The following PAPSS1 variants were observed in gnomAD, a reference collection of about 807,000 sequenced individuals.
PAPSS1 encodes the protein 3'-phosphoadenosine 5'-phosphosulfate synthase 1, also known as bifunctional 3'-phosphoadenosine 5'-phosphosulfate synthase 1.
A neutral mutation model predicts 72.0 loss-of-function variants in PAPSS1; 50 were observed. That is an observed-to-expected ratio of 0.69 (90% CI 0.55 to 0.88). The LOEUF is 0.88. PAPSS1 is among the 40% of genes least tolerant of loss of function. The probability of loss-of-function intolerance (pLI) is 0.00; values close to 1 mark genes in which losing one functional copy is unlikely to be tolerated. For synonymous variants in PAPSS1, 261 were observed against 263.6 expected (o/e 0.99, Z 0.09); for missense variants, 657 against 782.2 (o/e 0.84, Z 1.91).
chr4:107,630,676 G>C (rs142505233), intron 11 of PAPSS1, among the ~76,000 whole-genome samples: 293 of 152,234 alleles, frequency 1.9e-3, no homozygotes, highest in Non-Finnish European at 3.4e-3. Context: ...CTCTTCCTAA[G>C]ATCTTTGAAG....
intron 1 of PAPSS1, among the ~76,000 whole-genome samples, chr4:107,705,950 G>GT (rs545621374): frequency 6.6e-6 from 1 of 152,116 alleles, no homozygotes; most frequent in East Asian, 1.9e-4. Context: ...TGTTGGCAGG[G>GT]TTTTTTTCCT....
chr4:107,670,162 A>G (rs150955291), intron 5 of PAPSS1, among the ~76,000 whole-genome samples: 7 of 152,338 alleles, frequency 4.6e-5, no homozygotes, highest in African/African-American at 1.7e-4. Context: ...AAAAGACAAC[A>G]TACTATAAAT....
intron 9 of PAPSS1, among the ~76,000 whole-genome samples, chr4:107,648,171 G>C (rs913083731): frequency 1.3e-5 from 2 of 152,194 alleles, no homozygotes; most frequent in African/African-American, 4.8e-5. Flanking sequence ...AACAAGTGAA[G>C]TCTGATCCCT....
chr4:107,694,411 T>C (rs902498871), intron 2 of PAPSS1: 1 of 170,020 alleles, frequency 5.9e-6, no homozygotes, highest in Non-Finnish European at 1.3e-5. Flanking sequence ...GGAAAACACC[T>C]ACAGTTTAAA....
Position 107,631,867 on chromosome 4 carries a change from TAA to T in PAPSS1, c.1507-9_1507-8del. ...CTCTGCAATGCCACTGGACCTAGAA[TAA>T]AAGTTTCATTTTAGGTAACTTTGCT... On this transcript the variant is annotated splice_polypyrimidine_tract_variant and splice_region_variant and intron_variant, in intron 10 of 11. Coordinates refer to ENST00000265174, the MANE Select transcript of PAPSS1 (RefSeq NM_005443.5). 1 of 1,597,430 alleles carries T rather than the reference TAA, an allele frequency of 6.3e-7. No homozygotes were observed. The highest frequency in any genetic ancestry group is 8.6e-7 in the Non-Finnish European group (1 of 1,169,282).
At chr4:107,697,679 A>G (rs1723103696) in intron 2 of PAPSS1, among the ~76,000 whole-genome samples, 1 of 152,216 alleles carries the variant, frequency 6.6e-6, no homozygotes, top group South Asian at 2.1e-4. Context: ...GAGGAAACTG[A>G]TAATACAAGA....
intron 1 of PAPSS1, among the ~76,000 whole-genome samples, chr4:107,710,742 T>C (rs867413842): frequency 6.6e-5 from 10 of 152,192 alleles, no homozygotes; most frequent in Non-Finnish European, 1.3e-4. Context: ...TCTCTCTCTC[T>C]GGGTGTGAGC....
chr4:107,647,400 A>G (rs1726723960), intron 9 of PAPSS1, among the ~76,000 whole-genome samples: 2 of 152,180 alleles, frequency 1.3e-5, no homozygotes, highest in African/African-American at 4.8e-5. Context: ...TTCCTGTTCC[A>G]TCAACAGTGA....
chr4:107,719,709 T>G, intron 1 of PAPSS1: 1 of 752,378 alleles, frequency 1.3e-6, no homozygotes, highest in Non-Finnish European at 1.6e-6. Context: ...GGCGCCCGCC[T>G]CCGCCTTCTC....
intron 11 of PAPSS1, among the ~76,000 whole-genome samples, chr4:107,614,969 ATT>A (rs10681522): frequency 3.9e-4 from 58 of 150,258 alleles, no homozygotes; most frequent in East Asian, 9.8e-4. Flanking sequence ...CTAAAACTAG[ATT>A]TTTTTTTTTT....
chr4:107,702,368 A>G (rs1723226427), intron 1 of PAPSS1, among the ~76,000 whole-genome samples: 1 of 152,254 alleles, frequency 6.6e-6, no homozygotes, highest in Non-Finnish European at 1.5e-5. Flanking sequence ...ACTTGTACAT[A>G]CATATGTCCA....
chr4:107,685,011 T>A (rs1722741050), intron 4 of PAPSS1, among the ~76,000 whole-genome samples: 1 of 152,158 alleles, frequency 6.6e-6, no homozygotes, highest in East Asian at 1.9e-4. Context: ...GTTCACGCCA[T>A]TCTCCTGCCT....
At chr4:107,665,250 G>A (rs1324225740) in intron 5 of PAPSS1, among the ~76,000 whole-genome samples, 3 of 152,166 alleles carry the variant, frequency 2.0e-5, no homozygotes, top group Non-Finnish European at 4.4e-5. Flanking sequence ...TGCAGATGCT[G>A]CCAGCTTCTA....
chr4:107,625,122 A>G (rs2110298267), intron 11 of PAPSS1, among the ~76,000 whole-genome samples: 1 of 152,356 alleles, frequency 6.6e-6, no homozygotes, highest in South Asian at 2.1e-4. Context: ...GAAATGGCTG[A>G]AGAAGAAATA....
intron 11 of PAPSS1, among the ~76,000 whole-genome samples, chr4:107,620,289 T>C (rs1013058934): frequency 2.0e-5 from 3 of 152,200 alleles, no homozygotes; most frequent in East Asian, 1.9e-4. Context: ...ACATCAAACA[T>C]AGTATACATC....
At chr4:107,625,904 G>A (rs141237362) in intron 11 of PAPSS1, among the ~76,000 whole-genome samples, 3 of 152,164 alleles carry the variant, frequency 2.0e-5, no homozygotes, top group South Asian at 2.1e-4. Context: ...ACTCTGGGCC[G>A]GGCGCGGTGG....
intron 11 of PAPSS1, among the ~76,000 whole-genome samples, chr4:107,629,035 A>C (rs908892785): frequency 3.3e-5 from 5 of 152,226 alleles, no homozygotes; most frequent in African/African-American, 1.2e-4. Context: ...ATTATCAAAA[A>C]CAACTATGCA....
chr4:107,697,277 T>C (rs1454414528), intron 2 of PAPSS1, among the ~76,000 whole-genome samples: 1 of 152,258 alleles, frequency 6.6e-6, no homozygotes, highest in East Asian at 1.9e-4. Flanking sequence ...GCTGCCTATC[T>C]GAGCCCTTTT....
chr4:107,652,411 G>C (rs1228345518), intron 9 of PAPSS1, among the ~76,000 whole-genome samples: 1 of 152,104 alleles, frequency 6.6e-6, no homozygotes, highest in African/African-American at 2.4e-5. Context: ...ACCCACCTCT[G>C]TGTCAAAGAC....
Sources: gnomAD v4.1 joint callset for allele counts (sites outside exome capture counted in the v4.1 genomes callset) on GRCh38, gnomAD v4.1.1 for gene constraint, MANE v1.5 for transcripts, NCBI Gene and HGNC (gene_info 2026-07-23, HGNC 2026-07-21) for gene names.